OXR1: variants seen among roughly 807,000 people sequenced by gnomAD.
OXR1 encodes oxidation resistance protein 1.
In OXR1, 41 loss-of-function variants were observed where a neutral mutation model predicts 104.6. That is an observed-to-expected ratio of 0.39 (90% confidence interval 0.31 to 0.51). The LOEUF is 0.51. OXR1 is among the 20% of genes least tolerant of loss of function. The pLI is 0.77. For synonymous variants in OXR1, 348 were observed against 348.4 expected, an observed-to-expected ratio of 1.00 and a Z score of 0.01; for missense variants, 955 against 1,031.9, an observed-to-expected ratio of 0.93 and a Z score of 1.02.
At chr8:106,651,109 CTT>C (rs994329462) in intron 3 of OXR1, among the ~76,000 whole-genome samples, 9 of 152,292 alleles carry the variant, frequency 5.9e-5, no homozygotes, top group Admixed American at 2.6e-4. Flanking sequence ...AAATGACCCT[CTT>C]TGATGATCCT....
intron 3 of OXR1, among the ~76,000 whole-genome samples, chr8:106,530,137 T>C (rs1813986367): frequency 6.6e-6 from 1 of 152,220 alleles, no homozygotes; most frequent in African/African-American, 2.4e-5. Context: ...AACAGTGAAG[T>C]AATATGTCTA....
intron 3 of OXR1, among the ~76,000 whole-genome samples, chr8:106,622,092 T>C (rs2130849723): frequency 6.6e-6 from 1 of 152,308 alleles, no homozygotes; most frequent in East Asian, 1.9e-4. Context: ...ATCATTTCTC[T>C]AGCTATTCAG....
chr8:106,523,570 A>T (rs1813418524), intron 3 of OXR1, among the ~76,000 whole-genome samples: 1 of 152,174 alleles, frequency 6.6e-6, no homozygotes, highest in African/African-American at 2.4e-5. Context: ...TTTAAAATAC[A>T]GTCTCAACTC....
intron 2 of OXR1, among the ~76,000 whole-genome samples, chr8:106,500,742 T>C (rs1811756977): frequency 1.3e-5 from 2 of 152,236 alleles, no homozygotes. Context: ...CATTTTTTAA[T>C]TATAGCAAGT....
chr8:106,496,772 G>A (rs1811440873), intron 2 of OXR1, among the ~76,000 whole-genome samples: 1 of 152,158 alleles, frequency 6.6e-6, no homozygotes, highest in South Asian at 2.1e-4. Context: ...ATATCCCTAG[G>A]GAGACTATTA....
intron 3 of OXR1, among the ~76,000 whole-genome samples, chr8:106,636,848 T>G (rs114798453): frequency 0.02 from 3,001 of 152,318 alleles, 90 homozygotes; most frequent in African/African-American, 0.068. Flanking sequence ...ATGCCCATGG[T>G]GACAGGCTCC....
chr8:106,397,365 G>A (rs555811912), intron 2 of OXR1, among the ~76,000 whole-genome samples: 8 of 152,146 alleles, frequency 5.3e-5, no homozygotes, highest in Admixed American at 1.3e-4. Flanking sequence ...CAACTATAGC[G>A]TACATGGGTC....
intron 2 of OXR1, among the ~76,000 whole-genome samples, chr8:106,374,823 T>C (rs1816847264): frequency 6.6e-6 from 1 of 152,178 alleles, no homozygotes; most frequent in African/African-American, 2.4e-5. Flanking sequence ...AAGGCTGAGG[T>C]TCTAAGATGT....
rs776463237 is a variant in OXR1 at position 106,316,587 on chromosome 8, G to A, written c.-138-42889G>A. Among the ~76,000 whole-genome samples the A allele has an allele frequency of 1.2e-4, 18 of 151,906 alleles. No homozygotes were observed. In the South Asian group the frequency reaches 2.9e-3, roughly 25 times the overall value. On this transcript the variant is annotated intron_variant, in intron 1 of 16. Transcript: ENST00000517566. Reference sequence around the variant, plus strand: ...CATCCTTGTTTCCTCATTTTATTTCGGTCCCTGTAAAGATTAAATGTTGAA... The same window carrying A: ...CATCCTTGTTTCCTCATTTTATTTCAGTCCCTGTAAAGATTAAATGTTGAA...
intron 11 of OXR1, chr8:106,729,955 G>A (rs1041014473): frequency 6.6e-6 from 1 of 151,750 alleles, no homozygotes; most frequent in African/African-American, 2.4e-5. Flanking sequence ...ATTAGAACTA[G>A]AATATCACTA....
chr8:106,451,292 T>A (rs937205039), intron 2 of OXR1, among the ~76,000 whole-genome samples: 7 of 152,216 alleles, frequency 4.6e-5, no homozygotes, highest in Non-Finnish European at 8.8e-5. Context: ...TGGCTTATTA[T>A]CATTGCAATT....
intron 3 of OXR1, among the ~76,000 whole-genome samples, chr8:106,671,094 A>G (rs1251873297): frequency 2.0e-4 from 30 of 150,706 alleles, no homozygotes; most frequent in African/African-American, 7.1e-4. Context: ...ACTAAAGAAA[A>G]ACTTTAATTC....
chr8:106,532,819 T>C (rs1354454146), intron 3 of OXR1, among the ~76,000 whole-genome samples: 2 of 152,206 alleles, frequency 1.3e-5, no homozygotes, highest in Non-Finnish European at 2.9e-5. Flanking sequence ...AGAAAAAGGA[T>C]AAAATGCATA....
intron 9 of OXR1, among the ~76,000 whole-genome samples, chr8:106,710,175 A>C (rs575872892): frequency 2.0e-5 from 3 of 152,286 alleles, no homozygotes; most frequent in Non-Finnish European, 2.9e-5. Flanking sequence ...ATGTAAAAGC[A>C]TTAGAAACTT....
At chr8:106,468,265 G>T in intron 2 of OXR1, among the ~76,000 whole-genome samples, 1 of 151,706 alleles carries the variant, frequency 6.6e-6, no homozygotes, top group East Asian at 2.0e-4. Context: ...CAGTAAATAG[G>T]ATCAGAAAGT....
At chr8:106,544,444 AG>A (rs1324662795) in intron 3 of OXR1, among the ~76,000 whole-genome samples, 12 of 152,174 alleles carry the variant, frequency 7.9e-5, no homozygotes. Flanking sequence ...AGAAGCTAAA[AG>A]GTTATACCTC....
intron 2 of OXR1, among the ~76,000 whole-genome samples, chr8:106,448,356 G>C (rs894029292): frequency 1.3e-5 from 2 of 152,206 alleles, no homozygotes; most frequent in African/African-American, 4.8e-5. Context: ...TTTAAATGCT[G>C]TTTTTCCTAA....
rs1835009951 is a variant in OXR1 at position 106,742,545 on chromosome 8, G to T, written c.2412+228G>T. 2.7e-5 allele frequency: 10 copies of T among 375,852 alleles called. 1 individual carries two copies. The South Asian group carries it at 2.9e-4, about 11-fold the overall frequency. The allele number at this position is 375,852 out of a possible 1,614,324, so 23.3% of individuals were successfully genotyped here. On this transcript the variant is annotated intron_variant, in intron 15 of 16. Transcript: ENST00000517566. ...AGGCATCACGTTACGTGACTTCAAA[G>T]TATACTACAAGGCTACAGTAACCAA... is the stretch of plus-strand genomic sequence containing the variant.
chr8:106,689,823 A>G (rs1418989716), intron 6 of OXR1, among the ~76,000 whole-genome samples: 5 of 151,854 alleles, frequency 3.3e-5, no homozygotes, highest in African/African-American at 1.2e-4. Context: ...GTATGCCTGT[A>G]TACCTGAAAA....
Sources: gnomAD v4.1 joint callset for allele counts (sites outside exome capture counted in the v4.1 genomes callset) on GRCh38, gnomAD v4.1.1 for gene constraint, MANE v1.5 for transcripts, NCBI Gene and HGNC (gene_info 2026-07-23, HGNC 2026-07-21) for gene names.